Variants in ALK observed in about 807,000 individuals in gnomAD.
ALK encodes ALK tyrosine kinase receptor.
ALK carries 74 observed loss-of-function variants against 163.1 expected under a neutral mutation model. The observed-to-expected ratio is 0.45, with a 90% CI of 0.38 to 0.55. ALK has a LOEUF of 0.55. Among genes scored for constraint, ALK ranks in the 20% least tolerant of loss-of-function variants. ALK has a pLI of 0.00. For missense variants in ALK, 2,063 were observed against 2,105.3 expected (o/e 0.98, Z 0.39); for synonymous variants, 960 against 843.2 (o/e 1.14, Z -2.40).
chr2:29,293,633 AAAGCCTAG>A (rs777215456), intron 9 of ALK, among the ~76,000 whole-genome samples: 1 of 152,158 alleles, frequency 6.6e-6, no homozygotes, highest in Non-Finnish European at 1.5e-5. Flanking sequence ...GGCAACTGCA[AAAGCCTAG>A]AAGTAAGAAT....
chr2:29,874,385 G>A (rs1260092825), intron 1 of ALK, among the ~76,000 whole-genome samples: 1 of 152,108 alleles, frequency 6.6e-6, no homozygotes, highest in Non-Finnish European at 1.5e-5. Flanking sequence ...GACACTCAGT[G>A]AAATATCAGA....
intron 4 of ALK, among the ~76,000 whole-genome samples, chr2:29,437,599 GTCTT>G (rs1261929406): frequency 6.6e-6 from 1 of 152,112 alleles, no homozygotes; most frequent in Non-Finnish European, 1.5e-5. Context: ...CCTCATTCTA[GTCTT>G]TCTTCTCAAT....
intron 3 of ALK, among the ~76,000 whole-genome samples, chr2:29,666,973 A>G (rs902092846): frequency 1.3e-5 from 2 of 152,050 alleles, no homozygotes; most frequent in African/African-American, 4.8e-5. Context: ...ATTTCACTCA[A>G]CATAACTGTC....
intron 4 of ALK, among the ~76,000 whole-genome samples, chr2:29,419,106 G>C (rs1273447806): frequency 6.6e-6 from 1 of 151,152 alleles, no homozygotes; most frequent in Non-Finnish European, 1.5e-5. Context: ...CCAGGCTTGG[G>C]TGCAGTAGTG....
intron 1 of ALK, among the ~76,000 whole-genome samples, chr2:29,865,913 G>GTC (rs1572450412): frequency 2.6e-5 from 4 of 152,088 alleles, no homozygotes; most frequent in African/African-American, 9.7e-5. Context: ...GATGCCCAAG[G>GTC]TCTCTCTCCC....
At chr2:29,664,611 C>A (rs565433147) in intron 3 of ALK, among the ~76,000 whole-genome samples, 2 of 152,234 alleles carry the variant, frequency 1.3e-5, no homozygotes, top group African/African-American at 4.8e-5. Context: ...CCAATAAAGT[C>A]TGGGTTTCTT....
chr2:29,453,426 A>T (rs916802799), intron 4 of ALK, among the ~76,000 whole-genome samples: 1 of 151,920 alleles, frequency 6.6e-6, no homozygotes, highest in African/African-American at 2.4e-5. Flanking sequence ...GGTAGAGACG[A>T]GTTCTCACTA....
chr2:29,920,745 C>G lies in ALK; in HGVS notation c.-86G>C, dbSNP rs773058491. On this transcript the variant is annotated 5_prime_UTR_variant, in exon 1 of 29. Coordinates refer to ENST00000389048, the MANE Select transcript of ALK (RefSeq NM_004304.5). Reference sequence around the variant, plus strand: ...GAGATGGGAAGAGGCTCTGAACAGTCCTTGGTACCCAGCGGCTCCTTCCAC... The same window carrying G: ...GAGATGGGAAGAGGCTCTGAACAGTGCTTGGTACCCAGCGGCTCCTTCCAC... 2.4e-6 allele frequency: 3 copies of G among 1,233,932 alleles called. No individual in the cohort carries two copies. Among genetic ancestry groups the G allele is most frequent in the Non-Finnish European group, 3.4e-6 (3 of 883,358 alleles). 76.4% of individuals were successfully genotyped at this position (1,233,932 alleles called of 1,614,324 possible).
chr2:29,813,024 G>A (rs1241231520), intron 1 of ALK, among the ~76,000 whole-genome samples: 1 of 152,186 alleles, frequency 6.6e-6, no homozygotes, highest in Non-Finnish European at 1.5e-5. Context: ...CAGGACCTGG[G>A]TATGACAGAT....
intron 4 of ALK, among the ~76,000 whole-genome samples, chr2:29,468,442 G>C (rs1246091203): frequency 6.6e-6 from 1 of 152,192 alleles, no homozygotes; most frequent in Non-Finnish European, 1.5e-5. Flanking sequence ...AAGTTGAGGA[G>C]CCATGGAGAT....
chr2:29,706,857 G>A (rs1302673208), intron 2 of ALK, among the ~76,000 whole-genome samples: 2 of 152,258 alleles, frequency 1.3e-5, no homozygotes, highest in South Asian at 4.1e-4. Flanking sequence ...AGAGTGAAGG[G>A]ACTTGGCCAA....
At chr2:29,200,254 A>C (rs1323507438) in intron 26 of ALK, among the ~76,000 whole-genome samples, 2 of 152,202 alleles carry the variant, frequency 1.3e-5, no homozygotes, top group Non-Finnish European at 2.9e-5. Flanking sequence ...ACTGGCAGTA[A>C]GGCCTAAAGA....
chr2:29,476,634 A>G (rs1671531580), intron 4 of ALK, among the ~76,000 whole-genome samples: 1 of 151,976 alleles, frequency 6.6e-6, no homozygotes, highest in Non-Finnish European at 1.5e-5. Flanking sequence ...TTCCCGGTGG[A>G]GAAGGAGGGC....
chr2:29,907,471 C>T (rs562947426), intron 1 of ALK, among the ~76,000 whole-genome samples: 3 of 152,308 alleles, frequency 2.0e-5, no homozygotes, highest in Admixed American at 2.0e-4. Flanking sequence ...CTGTACAAGA[C>T]ACTCCGTGAA....
At chr2:29,435,461 AG>A (rs1449504573) in intron 4 of ALK, among the ~76,000 whole-genome samples, 1 of 152,126 alleles carries the variant, frequency 6.6e-6, no homozygotes, top group Non-Finnish European at 1.5e-5. Flanking sequence ...TTAAAAAAAA[AG>A]TTTGAACATG....
intron 3 of ALK, among the ~76,000 whole-genome samples, chr2:29,592,441 C>G (rs1325992340): frequency 6.6e-6 from 1 of 152,094 alleles, no homozygotes; most frequent in Non-Finnish European, 1.5e-5. Context: ...GCAAAGTATC[C>G]CTCTCGCCTG....
At chr2:29,519,660 G>A (rs190773866) in intron 4 of ALK, among the ~76,000 whole-genome samples, 1 of 152,294 alleles carries the variant, frequency 6.6e-6, no homozygotes, top group African/African-American at 2.4e-5. Context: ...AGACAAGTGA[G>A]GCTTTTTAGA....
chr2:29,258,235 C>T (rs1250824842), intron 11 of ALK, among the ~76,000 whole-genome samples: 3 of 152,212 alleles, frequency 2.0e-5, no homozygotes, highest in African/African-American at 7.2e-5. Context: ...AACATGTTCT[C>T]TGTCCTGCAA....
At position 29,251,310 on chromosome 2, in the gene ALK, C is replaced by T. The variant is rs757746232; in HGVS notation, c.2042-43G>A. 18 of 1,594,066 alleles carry T rather than the reference C, an allele frequency of 1.1e-5. No individual in the cohort carries two copies. The African/African-American group carries it at 2.1e-4, about 19-fold the overall frequency. On this transcript the variant is annotated intron_variant, in intron 11 of 28. Coordinates refer to ENST00000389048, the MANE Select transcript of ALK (RefSeq NM_004304.5). The stretch of plus-strand genomic sequence containing the variant: ...AGGCAGTCACTCATGTGGCCAGGCC[C>T]TCCCTCCTCCAGGGGCCTCCCTGGG...
Sources: allele counts gnomAD v4.1 joint callset (sites outside exome capture counted in the v4.1 genomes callset), GRCh38; gene constraint gnomAD v4.1.1; transcripts MANE v1.5; gene names NCBI Gene and HGNC (gene_info 2026-07-23, HGNC 2026-07-21).